Variants in FKTN observed in about 807,000 individuals in gnomAD.
FKTN encodes the protein ribitol-5-phosphate transferase FKTN.
A neutral mutation model predicts 58.6 loss-of-function variants in FKTN; 47 were observed. That is an observed-to-expected ratio of 0.80 (90% CI 0.63 to 1.02). The LOEUF (loss-of-function observed/expected upper bound fraction) is 1.02, where lower values mean the gene tolerates loss of function less well. Among genes scored for constraint, FKTN ranks in the 50% least tolerant of loss-of-function variants. The pLI, the probability that FKTN is intolerant of heterozygous loss-of-function variation, is 0.00. For synonymous variants in FKTN, 178 were observed against 191.9 expected (o/e 0.93, Z 0.60); for missense variants, 516 against 537.3 (o/e 0.96, Z 0.39).
At chr9:105,617,236 G>T (rs1830990968) in intron 8 of FKTN, among the ~76,000 whole-genome samples, 1 of 152,108 alleles carries the variant, frequency 6.6e-6, no homozygotes, top group Non-Finnish European at 1.5e-5. Flanking sequence ...GATCATAGGG[G>T]AGACCCAGGA....
chr9:105,632,157 C>T lies in FKTN; in HGVS notation c.1173-2894C>T, dbSNP rs1178706792. Among the ~76,000 whole-genome samples, 13 of 151,970 alleles carry T rather than the reference C, an allele frequency of 8.6e-5. No individual in the cohort carries two copies. The East Asian group carries it at 2.5e-3, about 29-fold the overall frequency. ...ACTGGAAATCATCATTCTCAGTAAA[C>T]TATCGCAAGAACAAAAAACCAAACA... On this transcript the variant is annotated intron_variant, in intron 10 of 10. Coordinates refer to ENST00000357998, the MANE Select transcript of FKTN (RefSeq NM_001079802.2).
chr9:105,559,099 G>A (rs1837770932), intron 1 of FKTN, among the ~76,000 whole-genome samples: 1 of 152,184 alleles, frequency 6.6e-6, no homozygotes, highest in Non-Finnish European at 1.5e-5. Context: ...TTTAACCTGC[G>A]TTTCTAAAAA....
At chr9:105,627,671 C>A (rs1156544096) in intron 10 of FKTN, among the ~76,000 whole-genome samples, 2 of 152,132 alleles carry the variant, frequency 1.3e-5, no homozygotes, top group East Asian at 3.9e-4. Context: ...AAGGGCCTTA[C>A]GTTGCTGTCT....
chr9:105,614,806 A>G lies in FKTN; in HGVS notation c.781-472A>G, dbSNP rs566212633. On this transcript the variant is annotated intron_variant, in intron 7 of 10. Transcript: ENST00000357998. ...AAGTGTTCATTTTAATGTGGGACAAACAAGTAACTGTAAAATGTGGTTTTT... is the reference window on the plus strand; with the variant it reads ...AAGTGTTCATTTTAATGTGGGACAAGCAAGTAACTGTAAAATGTGGTTTTT... 1.3e-4 allele frequency among the ~76,000 whole-genome samples: 20 copies of G among 152,180 alleles called. No individual in the cohort carries two copies. The South Asian group carries it at 3.9e-3, about 30-fold the overall frequency.
chr9:105,617,946 A>ATCT lies in FKTN; in HGVS notation c.911-8_911-6dup. The ATCT allele has an allele frequency of 6.5e-7, 1 of 1,536,798 alleles. No individual in the cohort carries two copies. The highest frequency in any genetic ancestry group is 8.9e-7 in the Non-Finnish European group (1 of 1,120,824). On this transcript the variant is annotated splice_polypyrimidine_tract_variant and intron_variant, in intron 8 of 10. Transcript: ENST00000357998. ...ACCTAAATTTTGTTAAAAAAATTTAATCTTCTTTTTAGGATGGTATCGACA... is the reference window on the plus strand; with the variant it reads ...ACCTAAATTTTGTTAAAAAAATTTAATCTTCTTCTTTTTAGGATGGTATCGACA...
chr9:105,605,352 C>T (rs1268539465), intron 6 of FKTN, among the ~76,000 whole-genome samples: 5 of 151,640 alleles, frequency 3.3e-5, no homozygotes, highest in Non-Finnish European at 5.9e-5. Context: ...ATTTATTTTC[C>T]CACTTTGAAA....
intron 3 of FKTN, among the ~76,000 whole-genome samples, chr9:105,587,327 G>A (rs981390498): frequency 6.6e-6 from 1 of 152,126 alleles, no homozygotes; most frequent in Admixed American, 6.5e-5. Flanking sequence ...GTTGAAAGGG[G>A]AGTTTGGATT....
chr9:105,631,057 C>T (rs1250387712), intron 10 of FKTN, among the ~76,000 whole-genome samples: 5 of 152,026 alleles, frequency 3.3e-5, no homozygotes, highest in South Asian at 2.1e-4. Flanking sequence ...TGCTTGAACC[C>T]GAGAGGTGGA....
At chr9:105,591,188 C>T (rs1026195872) in intron 3 of FKTN, among the ~76,000 whole-genome samples, 1 of 152,112 alleles carries the variant, frequency 6.6e-6, no homozygotes, top group Non-Finnish European at 1.5e-5. Context: ...GCCCCTGGCC[C>T]CTCACACCTC....
intron 5 of FKTN, among the ~76,000 whole-genome samples, chr9:105,602,156 A>T (rs1827990497): frequency 6.6e-6 from 1 of 152,250 alleles, no homozygotes; most frequent in African/African-American, 2.4e-5. Flanking sequence ...CTTCATTGAC[A>T]TGACTATTGT....
chr9:105,610,000 A>G (rs750480862), intron 7 of FKTN, among the ~76,000 whole-genome samples: 3 of 152,036 alleles, frequency 2.0e-5, no homozygotes, highest in East Asian at 1.9e-4. Context: ...ATGGTTTCCT[A>G]TTTTACCCTA....
At position 105,619,945 on chromosome 9, in the gene FKTN, C is replaced by G. The variant is rs149085844; in HGVS notation, c.1056C>G (p.Ser352Arg). Residue 352 changes from serine to arginine, a missense_variant, in exon 10 of 11, where the codon AGC (serine) becomes AGG (arginine). Transcript: ENST00000357998. ...CATCTTCCCCATAGGTAGAAGACAG[C>G]TTGGAACTATCCTTCCAGGGAAAAG... Reference protein sequence around the residue: ...LKHKFGKVEDSLELSFQGKDD... With the variant: ...LKHKFGKVEDRLELSFQGKDD... The G allele has an allele frequency of 3.1e-6, 5 of 1,612,028 alleles. No individual in the cohort carries two copies. Among genetic ancestry groups the G allele is most frequent in the Non-Finnish European group, 4.2e-6 (5 of 1,178,562 alleles).
rs1248498454 is a variant in FKTN at position 105,638,427 on chromosome 9, C to T, written c.*3163C>T. ...AATGCCTTCTCTCCAGACAATAAGACAGTTCACATCTGGAGACATCAGCCT... is the reference window on the plus strand; with the variant it reads ...AATGCCTTCTCTCCAGACAATAAGATAGTTCACATCTGGAGACATCAGCCT... On this transcript the variant is annotated 3_prime_UTR_variant, in exon 11 of 11. Transcript: ENST00000357998. 1.5e-5 allele frequency: 15 copies of T among 985,298 alleles called. No homozygotes were observed. The highest frequency in any genetic ancestry group is 5.2e-5 in the African/African-American group (3 of 57,248). 61.0% of individuals were successfully genotyped at this position (985,298 alleles called of 1,614,324 possible).
rs539709390 is a variant in FKTN at position 105,617,268 on chromosome 9, C to T, written c.911-691C>T. 2.0e-5 allele frequency among the ~76,000 whole-genome samples: 3 copies of T among 152,192 alleles called. No homozygotes were observed. The East Asian group carries it at 5.8e-4, about 29-fold the overall frequency. ...AGGAGTCCTTAATAATATTAAGGTA[C>T]ATGTTTTATTTCTTCAGAACAGTGC... is the stretch of plus-strand genomic sequence containing the variant. On this transcript the variant is annotated intron_variant, in intron 8 of 10. Coordinates refer to ENST00000357998, the MANE Select transcript of FKTN (RefSeq NM_001079802.2).
At chr9:105,566,053 G>C (rs1839530857) in intron 1 of FKTN, among the ~76,000 whole-genome samples, 1 of 152,006 alleles carries the variant, frequency 6.6e-6, no homozygotes, top group African/African-American at 2.4e-5. Context: ...ATGACTACTG[G>C]GTACATAACA....
chr9:105,625,799 A>C (rs1832670254), intron 10 of FKTN, among the ~76,000 whole-genome samples: 1 of 152,116 alleles, frequency 6.6e-6, no homozygotes, highest in Admixed American at 6.6e-5. Flanking sequence ...TGGCTCCAAG[A>C]ATTATCAAAT....
In FKTN at chr9:105,585,433, T is replaced by G. The variant is rs1168559907; in HGVS notation, c.105+10296T>G. Among the ~76,000 whole-genome samples, 5 of 152,178 alleles carry G rather than the reference T, an allele frequency of 3.3e-5. No homozygotes were observed. The East Asian group carries it at 9.6e-4, about 29-fold the overall frequency. ...GACCCTGTCTCAAAAAATAAATAAA[T>G]AAATATGTACATATGTAAAATAAAA... On this transcript the variant is annotated intron_variant, in intron 3 of 10. Transcript: ENST00000357998.
intron 7 of FKTN, among the ~76,000 whole-genome samples, chr9:105,611,223 C>G (rs117643164): frequency 6.6e-6 from 1 of 152,086 alleles, no homozygotes; most frequent in Non-Finnish European, 1.5e-5. Flanking sequence ...TTTGTGTCCC[C>G]GTTCATTGGC....
chr9:105,581,807 G>T (rs1248242347), intron 3 of FKTN, among the ~76,000 whole-genome samples: 3 of 152,310 alleles, frequency 2.0e-5, no homozygotes, highest in Middle Eastern at 3.4e-3. Flanking sequence ...TGCTGGGCTA[G>T]CAATCAGCGA....
Sources: allele counts gnomAD v4.1 joint callset (sites outside exome capture counted in the v4.1 genomes callset), GRCh38; gene constraint gnomAD v4.1.1; transcripts MANE v1.5; gene names NCBI Gene and HGNC (gene_info 2026-07-23, HGNC 2026-07-21).